Variants in MAP2K6 observed in about 807,000 individuals in gnomAD.
MAP2K6 encodes dual specificity mitogen-activated protein kinase kinase 6.
In MAP2K6, 16 loss-of-function variants were observed where a neutral mutation model predicts 53.7. The ratio of observed to expected loss-of-function variants is 0.30; its 90% CI spans 0.20 to 0.45. MAP2K6 has a LOEUF of 0.45. Ranked by LOEUF, MAP2K6 falls within the 20% of genes least tolerant of loss-of-function variation. The pLI, the probability that MAP2K6 is intolerant of heterozygous loss-of-function variation, is 1.00. For missense variants in MAP2K6, 204 were observed against 411.9 expected, an observed-to-expected ratio of 0.50 and a Z score of 4.37; for synonymous variants, 132 against 143.1, an observed-to-expected ratio of 0.92 and a Z score of 0.55.
At chr17:69,529,002 CTA>C (rs1422934154) in intron 10 of MAP2K6, among the ~76,000 whole-genome samples, 1 of 151,894 alleles carries the variant, frequency 6.6e-6, no homozygotes, top group Non-Finnish European at 1.5e-5. Flanking sequence ...TTTCTCCCAC[CTA>C]TCCCCTTTTC....
At chr17:69,516,928 C>A in intron 3 of MAP2K6, 25 bp downstream of exon 3, 1 of 1,547,944 alleles carries the variant, frequency 6.5e-7, no homozygotes, top group Non-Finnish European at 8.9e-7. Context: ...TGTCTGCCAC[C>A]TAATACGTTG....
intron 1 of MAP2K6, among the ~76,000 whole-genome samples, chr17:69,505,204 G>T (rs1167544161): frequency 2.6e-5 from 4 of 151,934 alleles, no homozygotes; most frequent in African/African-American, 4.8e-5. Flanking sequence ...CACTTTGGGA[G>T]ACCAAGGTCA....
At position 69,428,012 on chromosome 17, in the gene MAP2K6, G is replaced by T. The variant is rs187285093; in HGVS notation, c.16+13012G>T. On this transcript the variant is annotated intron_variant, in intron 1 of 11. Coordinates refer to ENST00000590474, the MANE Select transcript of MAP2K6 (RefSeq NM_002758.4). ...GTTGAGCAAGACATGGCAGGTAGAG[G>T]ACTAGCTGTCTCTGGATTGCATTTA... 3.3e-5 allele frequency among the ~76,000 whole-genome samples: 5 copies of T among 152,262 alleles called. No homozygotes were observed. In the East Asian group the frequency reaches 9.6e-4, roughly 29 times the overall value.
intron 1 of MAP2K6, among the ~76,000 whole-genome samples, chr17:69,459,776 G>A (rs1373142845): frequency 1.3e-5 from 2 of 148,452 alleles, no homozygotes; most frequent in Non-Finnish European, 1.5e-5. Flanking sequence ...TAGATTGCAA[G>A]GTGTCTTTCT....
chr17:69,471,695 CA>C (rs533046922), intron 1 of MAP2K6, among the ~76,000 whole-genome samples: 3 of 151,978 alleles, frequency 2.0e-5, no homozygotes, highest in East Asian at 3.9e-4. Flanking sequence ...TAAAGGAAAA[CA>C]AAAAAACCCA....
At chr17:69,517,171 C>G (rs1910192762) in intron 3 of MAP2K6, among the ~76,000 whole-genome samples, 1 of 151,016 alleles carries the variant, frequency 6.6e-6, no homozygotes, top group African/African-American at 2.4e-5. Flanking sequence ...ATCTAGTTGC[C>G]ATCAGTCAAT....
intron 10 of MAP2K6, among the ~76,000 whole-genome samples, chr17:69,529,280 T>G (rs1052877387): frequency 6.6e-6 from 1 of 152,154 alleles, no homozygotes; most frequent in Non-Finnish European, 1.5e-5. Flanking sequence ...ACAGCTGCGG[T>G]GATAACCCCA....
chr17:69,478,733 T>A (rs1423634115), intron 1 of MAP2K6, among the ~76,000 whole-genome samples: 2 of 152,222 alleles, frequency 1.3e-5, no homozygotes, highest in Non-Finnish European at 2.9e-5. Context: ...CCTCATATTT[T>A]ACTTTCAAGG....
intron 1 of MAP2K6, among the ~76,000 whole-genome samples, chr17:69,462,950 C>CTT (rs10579616): frequency 9.1e-6 from 1 of 109,780 alleles, no homozygotes; most frequent in East Asian, 2.5e-4. Flanking sequence ...AATGACTTGT[C>CTT]TTTTTTTTTT....
chr17:69,549,253 A>G lies in MAP2K6; in HGVS notation c.*7500A>G, dbSNP rs924972796. On this transcript the variant is annotated 3_prime_UTR_variant, in exon 12 of 12. Coordinates refer to ENST00000590474, the MANE Select transcript of MAP2K6 (RefSeq NM_002758.4). Reference sequence around the variant, plus strand: ...TGTGCTCCATAGCTTTCTCCAGTTTACACTTTTGCATTTCTGAGATTCAGG... The same window carrying G: ...TGTGCTCCATAGCTTTCTCCAGTTTGCACTTTTGCATTTCTGAGATTCAGG... 1 of 152,124 alleles carries G rather than the reference A, an allele frequency of 6.6e-6. No homozygotes were observed. Among genetic ancestry groups the G allele is most frequent in the African/African-American group, 2.4e-5 (1 of 41,434 alleles). 9.4% of individuals were successfully genotyped at this position (152,124 alleles called of 1,614,324 possible).
At chr17:69,436,480 T>C (rs1303486885) in intron 1 of MAP2K6, among the ~76,000 whole-genome samples, 1 of 152,226 alleles carries the variant, frequency 6.6e-6, no homozygotes, top group Non-Finnish European at 1.5e-5. Context: ...GTTTACAATG[T>C]TTTATCCTCA....
At chr17:69,453,590 T>C (rs1907303200) in intron 1 of MAP2K6, among the ~76,000 whole-genome samples, 1 of 152,274 alleles carries the variant, frequency 6.6e-6, no homozygotes, top group Admixed American at 6.5e-5. Context: ...TAATTTAGAA[T>C]GCATATGTAT....
chr17:69,500,625 G>A (rs1053567597), intron 1 of MAP2K6, among the ~76,000 whole-genome samples: 7 of 151,616 alleles, frequency 4.6e-5, no homozygotes, highest in African/African-American at 1.5e-4. Context: ...GCGTGATGGC[G>A]GGCACCTGTA....
chr17:69,472,937 A>T (rs532999285), intron 1 of MAP2K6, among the ~76,000 whole-genome samples: 1 of 152,028 alleles, frequency 6.6e-6, no homozygotes, highest in Non-Finnish European at 1.5e-5. Flanking sequence ...GAACTCCTGG[A>T]CTCAAGTGAT....
intron 7 of MAP2K6, 25 bp from the exon 8 acceptor site, chr17:69,523,489 G>T: frequency 6.2e-7 from 1 of 1,611,330 alleles, no homozygotes; most frequent in Non-Finnish European, 8.5e-7. Flanking sequence ...TGAAATGATG[G>T]CATCCTGGTT....
Position 69,542,829 on chromosome 17 carries a change from C to G in MAP2K6, c.*1076C>G, listed in dbSNP as rs2072073. The G allele has an allele frequency of 0.2, 31,126 of 152,090 alleles. 3,722 individuals carry two copies. Among genetic ancestry groups the G allele is most frequent in the African/African-American group, 0.33 (13,684 of 41,462 alleles). The allele number at this position is 152,090 out of a possible 1,614,324, so 9.4% of individuals were successfully genotyped here. ...TTTGGCTTTGTTTGTTTGTTTTCTT[C>G]TTCAGTGAAGCAGCCTTACTATTCA... On this transcript the variant is annotated 3_prime_UTR_variant, in exon 12 of 12. Transcript: ENST00000590474.
chr17:69,425,699 G>A (rs1024330082), intron 1 of MAP2K6, among the ~76,000 whole-genome samples: 13 of 152,180 alleles, frequency 8.5e-5, no homozygotes, highest in Non-Finnish European at 1.6e-4. Flanking sequence ...ATCCCATGTC[G>A]AAGCTGCGGA....
intron 1 of MAP2K6, among the ~76,000 whole-genome samples, chr17:69,461,017 G>C (rs1056526820): frequency 1.3e-5 from 2 of 152,204 alleles, no homozygotes; most frequent in Non-Finnish European, 2.9e-5. Flanking sequence ...ATCAGGAGGA[G>C]TGAAGGAAGA....
At chr17:69,425,462 A>G (rs148321294) in intron 1 of MAP2K6, among the ~76,000 whole-genome samples, 2,627 of 152,056 alleles carry the variant, frequency 0.017, 78 homozygotes, top group African/African-American at 0.06. Context: ...ACAGGCGCCC[A>G]CCACCACACC....
Sources: gnomAD v4.1 joint callset for allele counts (sites outside exome capture counted in the v4.1 genomes callset) on GRCh38, gnomAD v4.1.1 for gene constraint, MANE v1.5 for transcripts, NCBI Gene and HGNC (gene_info 2026-07-23, HGNC 2026-07-21) for gene names.